Variants in ERC2 observed in about 807,000 individuals in gnomAD.
The protein encoded by ERC2 is ERC protein 2.
Under a neutral mutation model 114.8 loss-of-function variants are expected in ERC2, and 42 were observed. That is an observed-to-expected ratio of 0.37 (90% CI 0.29 to 0.47). The LOEUF (loss-of-function observed/expected upper bound fraction) is 0.47, where lower values mean the gene tolerates loss of function less well. Ranked by LOEUF, ERC2 falls within the 20% of genes least tolerant of loss-of-function variation. The probability of loss-of-function intolerance (pLI) is 0.99; values close to 1 mark genes in which losing one functional copy is unlikely to be tolerated. For missense variants in ERC2, 939 were observed against 1,150.7 expected, an observed-to-expected ratio of 0.82 and a Z score of 2.66; for synonymous variants, 454 against 425.5, an observed-to-expected ratio of 1.07 and a Z score of -0.82.
chr3:56,191,584 G>A (rs1410703729), intron 3 of ERC2, among the ~76,000 whole-genome samples: 1 of 152,140 alleles, frequency 6.6e-6, no homozygotes, highest in African/African-American at 2.4e-5. Flanking sequence ...CTCAGATGAA[G>A]GATAGATGAA....
chr3:55,778,317 C>T (rs1191084836), intron 14 of ERC2, among the ~76,000 whole-genome samples: 1 of 152,156 alleles, frequency 6.6e-6, no homozygotes, highest in African/African-American at 2.4e-5. Flanking sequence ...ACTTTTGGCA[C>T]TTTTATACCA....
At chr3:55,948,141 A>G (rs1331408550) in intron 13 of ERC2, among the ~76,000 whole-genome samples, 1 of 152,196 alleles carries the variant, frequency 6.6e-6, no homozygotes, top group African/African-American at 2.4e-5. Context: ...CATACCAACT[A>G]GTTGAATCTC....
intron 2 of ERC2, among the ~76,000 whole-genome samples, chr3:56,429,612 G>C (rs2061708909): frequency 6.6e-6 from 1 of 152,198 alleles, no homozygotes; most frequent in South Asian, 2.1e-4. Flanking sequence ...ATACAAACAA[G>C]CACATGATTC....
In ERC2 at chr3:55,724,951, G is replaced by A. The variant is rs529003521; in HGVS notation, c.2712+9820C>T. Among the ~76,000 whole-genome samples the A allele has an allele frequency of 2.6e-4, 39 of 152,334 alleles. 1 individual carries two copies. Among genetic ancestry groups the A allele is most frequent in the South Asian group, 2.1e-3 (10 of 4,828 alleles). ...ATTTCAAACATGTCTAATCCAATAA[G>A]AGGCTTGGTAAAACATGCGTTATCA... On this transcript the variant is annotated intron_variant, in intron 15 of 17. Coordinates refer to ENST00000288221, the MANE Select transcript of ERC2 (RefSeq NM_015576.3).
At chr3:55,645,986 T>C (rs893464333) in intron 17 of ERC2, among the ~76,000 whole-genome samples, 9 of 152,142 alleles carry the variant, frequency 5.9e-5, no homozygotes, top group Admixed American at 1.3e-4. Flanking sequence ...CAGGCAAGTG[T>C]AGGTTAAATA....
At chr3:55,755,804 T>A (rs746931061) in intron 14 of ERC2, among the ~76,000 whole-genome samples, 37 of 152,244 alleles carry the variant, frequency 2.4e-4, no homozygotes, top group Non-Finnish European at 4.7e-4. Context: ...AGCAATTTTT[T>A]AAATTAAACG....
In ERC2 at chr3:56,362,388, T is replaced by C. The variant is rs144563985; in HGVS notation, c.658-65953A>G. 4.1e-3 allele frequency among the ~76,000 whole-genome samples: 620 copies of C among 152,292 alleles called. 3 individuals carry two copies. The highest frequency in any genetic ancestry group is 0.014 in the African/African-American group (571 of 41,562). ...AGAGAGGGAAGTGGTGGAACAAGGG[T>C]ACATCACACCTTCCCATTCCAAGAT... On this transcript the variant is annotated intron_variant, in intron 2 of 17. Transcript: ENST00000288221.
At chr3:55,908,235 T>G (rs1321619758) in intron 13 of ERC2, among the ~76,000 whole-genome samples, 1 of 152,212 alleles carries the variant, frequency 6.6e-6, no homozygotes, top group Non-Finnish European at 1.5e-5. Flanking sequence ...ATCTTATTTT[T>G]TAATTAGTGC....
intron 17 of ERC2, 104 bp downstream of exon 17, chr3:55,683,690 C>A: frequency 1.0e-6 from 1 of 954,138 alleles, no homozygotes. Context: ...GTAGCAAACA[C>A]AGGGCACAAT....
chr3:56,402,458 C>A (rs2060555684), intron 2 of ERC2, among the ~76,000 whole-genome samples: 1 of 152,096 alleles, frequency 6.6e-6, no homozygotes, highest in Non-Finnish European at 1.5e-5. Context: ...TCTATCTGGT[C>A]CTGAGTTCAA....
At chr3:56,148,951 T>TA in intron 5 of ERC2, 26 bp downstream of exon 5, 1 of 1,605,780 alleles carries the variant, frequency 6.2e-7, no homozygotes, top group Non-Finnish European at 8.5e-7. Flanking sequence ...ATTAAGAACA[T>TA]AAAAGTTTAT....
chr3:56,434,551 G>A lies in ERC2; in HGVS notation c.457C>T (p.Gln153Ter). 4 of 1,613,982 alleles carry A rather than the reference G, an allele frequency of 2.5e-6. No individual in the cohort carries two copies. The highest frequency in any genetic ancestry group is 3.4e-6 in the Non-Finnish European group (4 of 1,179,884). ...RDSTMLDLQAQLKELQRENDL... is the reference protein window; with the variant it reads ...RDSTMLDLQA ...TTCTCTCTCTGCAGTTCTTTCAGCT[G>A]GGCCTGAAGATCTAACATTGTGCTG... Residue 153 changes from glutamine to a stop codon, truncating the protein, a stop_gained, in exon 2 of 18, where the codon CAG becomes TAG. Transcript: ENST00000288221. LOFTEE classifies it high-confidence loss of function.
chr3:56,384,571 A>G (rs537972553), intron 2 of ERC2, among the ~76,000 whole-genome samples: 1 of 152,126 alleles, frequency 6.6e-6, no homozygotes, highest in Non-Finnish European at 1.5e-5. Context: ...GATGTTGTCA[A>G]GTTATAGAAG....
intron 17 of ERC2, among the ~76,000 whole-genome samples, chr3:55,647,728 G>T (rs1306724365): frequency 6.6e-6 from 1 of 152,208 alleles, no homozygotes; most frequent in South Asian, 2.1e-4. Flanking sequence ...TGCAAATTGG[G>T]AGGTACGTCT....
At chr3:56,248,981 C>T (rs537306755) in intron 3 of ERC2, among the ~76,000 whole-genome samples, 2 of 152,316 alleles carry the variant, frequency 1.3e-5, no homozygotes, top group East Asian at 3.9e-4. Flanking sequence ...CCTGGAGGGG[C>T]TTTCTGCATA....
chr3:55,781,821 G>A (rs148515233), intron 14 of ERC2, among the ~76,000 whole-genome samples: 2,739 of 149,304 alleles, frequency 0.018, 99 homozygotes, highest in African/African-American at 0.064. Flanking sequence ...GCAGTGAGCC[G>A]AGATCGCCCT....
chr3:56,044,304 C>A (rs781433602), intron 7 of ERC2, among the ~76,000 whole-genome samples: 1 of 151,748 alleles, frequency 6.6e-6, no homozygotes, highest in Non-Finnish European at 1.5e-5. Context: ...CAAGTTGATG[C>A]CTTTTCACAA....
At chr3:55,630,024 C>T (rs1195567522) in intron 17 of ERC2, among the ~76,000 whole-genome samples, 7 of 152,164 alleles carry the variant, frequency 4.6e-5, no homozygotes, top group South Asian at 2.1e-4. Flanking sequence ...CAGTGCAAGG[C>T]TCTGTAACAG....
chr3:55,852,013 G>A (rs1287601892), intron 14 of ERC2, among the ~76,000 whole-genome samples: 2 of 152,238 alleles, frequency 1.3e-5, no homozygotes, highest in African/African-American at 4.8e-5. Flanking sequence ...CTTGAGGTCA[G>A]GAGTTTGAGA....
Sources: allele counts gnomAD v4.1 joint callset (sites outside exome capture counted in the v4.1 genomes callset), GRCh38; gene constraint gnomAD v4.1.1; transcripts MANE v1.5; gene names NCBI Gene and HGNC (gene_info 2026-07-23, HGNC 2026-07-21).